The following COL25A1 variants were observed in gnomAD, a reference collection of about 807,000 sequenced individuals.
COL25A1 encodes collagen type XXV alpha 1 chain.
COL25A1 carries 103 observed loss-of-function variants against 128.4 expected under a neutral mutation model. The ratio of observed to expected loss-of-function variants is 0.80; its 90% CI spans 0.68 to 0.94. COL25A1 has a LOEUF of 0.94. Ranked by LOEUF, COL25A1 falls within the 40% of genes least tolerant of loss-of-function variation. The pLI is 0.00. For missense variants in COL25A1, 745 were observed against 840.0 expected, an observed-to-expected ratio of 0.89 and a Z score of 1.40; for synonymous variants, 279 against 277.2, an observed-to-expected ratio of 1.01 and a Z score of -0.06.
At chr4:109,268,383 G>C (rs1781933922) in intron 3 of COL25A1, among the ~76,000 whole-genome samples, 2 of 152,020 alleles carry the variant, frequency 1.3e-5, no homozygotes, top group African/African-American at 2.4e-5. Context: ...GACGACCACT[G>C]CCCAAGTTTA....
At chr4:109,260,027 A>G (rs1228281713) in intron 3 of COL25A1, among the ~76,000 whole-genome samples, 1 of 152,238 alleles carries the variant, frequency 6.6e-6, no homozygotes, top group Non-Finnish European at 1.5e-5. Context: ...CTGGAGAGCT[A>G]GAATTCCCAT....
intron 3 of COL25A1, among the ~76,000 whole-genome samples, chr4:109,286,526 T>C (rs563078572): frequency 6.6e-6 from 1 of 152,276 alleles, no homozygotes; most frequent in South Asian, 2.1e-4. Context: ...AGAGTATATA[T>C]TCTTGCCTTT....
At chr4:109,074,970 G>T (rs994301446) in intron 3 of COL25A1, among the ~76,000 whole-genome samples, 1 of 152,130 alleles carries the variant, frequency 6.6e-6, no homozygotes. Flanking sequence ...GCTAAAGTTA[G>T]GTGAGCTCTG....
chr4:109,106,912 C>T (rs1020351379), intron 3 of COL25A1, among the ~76,000 whole-genome samples: 11 of 151,988 alleles, frequency 7.2e-5, no homozygotes, highest in Admixed American at 3.9e-4. Context: ...GGACTACAGG[C>T]GCAGGCTACC....
rs568152957 is a variant in COL25A1, at chr4:109,118,590, TAGAC to T, written c.368-68415_368-68412del. ...AAAGCTGGAGTAACTATATTAATCT[TAGAC>T]AGAGCAGTCTTCAGAGAAAGAAAAG... On this transcript the variant is annotated intron_variant, in intron 3 of 37. Coordinates refer to ENST00000399132, the MANE Select transcript of COL25A1 (RefSeq NM_198721.4). Among the ~76,000 whole-genome samples, 101 of 152,044 alleles carry T rather than the reference TAGAC, an allele frequency of 6.6e-4. 2 individuals are homozygous for T. The East Asian group carries it at 0.014, about 22-fold the overall frequency.
At chr4:108,845,734 C>T (rs1735005554) in intron 28 of COL25A1, among the ~76,000 whole-genome samples, 1 of 152,126 alleles carries the variant, frequency 6.6e-6, no homozygotes, top group South Asian at 2.1e-4. Flanking sequence ...AACACCATCC[C>T]ATAGTATCAT....
At chr4:109,244,209 A>G (rs1232221145) in intron 3 of COL25A1, among the ~76,000 whole-genome samples, 1 of 151,994 alleles carries the variant, frequency 6.6e-6, no homozygotes, top group Non-Finnish European at 1.5e-5. Flanking sequence ...GAATTCCCTA[A>G]GTCGAGGTAA....
At chr4:109,301,605 C>T in intron 2 of COL25A1, 118 bp downstream of exon 2, 1 of 1,137,284 alleles carries the variant, frequency 8.8e-7, no homozygotes, top group South Asian at 1.5e-5. Context: ...CATGCACGCG[C>T]GCGCACACAC....
rs567269691 is a variant in COL25A1, at chr4:108,927,824, GAAGT to G, written c.709-7224_709-7221del. Among the ~76,000 whole-genome samples the G allele has an allele frequency of 2.9e-3, 443 of 152,164 alleles. 3 individuals are homozygous for G. The highest frequency in any genetic ancestry group is 5.5e-3 in the Non-Finnish European group (374 of 67,990). ...GTCTCTTAAAGCTCAGGAAATTAAA[GAAGT>G]AATACATTTTTCTCACCACTTGACA... On this transcript the variant is annotated intron_variant, in intron 11 of 37. Coordinates refer to ENST00000399132, the MANE Select transcript of COL25A1 (RefSeq NM_198721.4).
At chr4:108,946,984 C>T (rs1312890117) in intron 8 of COL25A1, among the ~76,000 whole-genome samples, 1 of 152,044 alleles carries the variant, frequency 6.6e-6, no homozygotes, top group Non-Finnish European at 1.5e-5. Context: ...AGAGAATGGT[C>T]CTAGGTCTGT....
chr4:108,906,505 C>A (rs11726031), intron 13 of COL25A1, among the ~76,000 whole-genome samples: 1 of 152,072 alleles, frequency 6.6e-6, no homozygotes, highest in African/African-American at 2.4e-5. Flanking sequence ...AAGATACAAC[C>A]TTGTGTTTCT....
intron 6 of COL25A1, among the ~76,000 whole-genome samples, chr4:109,007,425 GT>G (rs1756131757): frequency 6.6e-6 from 1 of 152,176 alleles, no homozygotes; most frequent in Non-Finnish European, 1.5e-5. Flanking sequence ...TGATAATGAT[GT>G]AGGCATAAGA....
chr4:108,838,046 TAGAAAG>T (rs1734010460), intron 31 of COL25A1: 2 of 1,267,226 alleles, frequency 1.6e-6, no homozygotes, highest in Non-Finnish European at 2.3e-6. Context: ...TCATGTAGGG[TAGAAAG>T]AAAAATCTGA....
At chr4:108,883,115 C>T (rs1490016446) in intron 19 of COL25A1, among the ~76,000 whole-genome samples, 1 of 152,036 alleles carries the variant, frequency 6.6e-6, no homozygotes, top group East Asian at 1.9e-4. Flanking sequence ...GATCTCGGCT[C>T]ACTGCAAGCT....
At position 109,070,796 on chromosome 4, in the gene COL25A1, T is replaced by G. The variant is rs898962578; in HGVS notation, c.368-20617A>C. ...TGAGAACATGCGGTGTTTGGTTTTTTGTCCTTGCGATAGTTTGCTGAGAAT... is the reference window on the plus strand; with the variant it reads ...TGAGAACATGCGGTGTTTGGTTTTTGGTCCTTGCGATAGTTTGCTGAGAAT... On this transcript the variant is annotated intron_variant, in intron 3 of 37. Transcript: ENST00000399132. Among the ~76,000 whole-genome samples the G allele has an allele frequency of 6.6e-5, 10 of 151,566 alleles. No individual in the cohort carries two copies. In the East Asian group the frequency reaches 9.7e-4, roughly 15 times the overall value.
intron 3 of COL25A1, among the ~76,000 whole-genome samples, chr4:109,299,571 T>A (rs1273382483): frequency 6.6e-6 from 1 of 152,152 alleles, no homozygotes; most frequent in Non-Finnish European, 1.5e-5. Flanking sequence ...GGGAAACGTT[T>A]CAGAATATGA....
intron 11 of COL25A1, among the ~76,000 whole-genome samples, chr4:108,933,944 G>T (rs1250293657): frequency 2.0e-5 from 3 of 151,710 alleles, no homozygotes; most frequent in Non-Finnish European, 4.4e-5. Context: ...CAAGGATCTA[G>T]AACTAGAATT....
intron 37 of COL25A1, among the ~76,000 whole-genome samples, chr4:108,815,006 A>T (rs1030719526): frequency 1.3e-5 from 2 of 152,188 alleles, no homozygotes; most frequent in Non-Finnish European, 2.9e-5. Flanking sequence ...TTCACTCAAT[A>T]TTCTTGCCTG....
chr4:109,010,425 G>A (rs774885466), intron 5 of COL25A1, 50 bp from the exon 6 acceptor site: 14 of 1,367,528 alleles, frequency 1.0e-5, no homozygotes, highest in Non-Finnish European at 1.2e-5. Flanking sequence ...TATCCTAAGT[G>A]AATATTTTCA....
Sources: allele counts gnomAD v4.1 joint callset (sites outside exome capture counted in the v4.1 genomes callset), GRCh38; gene constraint gnomAD v4.1.1; transcripts MANE v1.5; gene names NCBI Gene and HGNC (gene_info 2026-07-23, HGNC 2026-07-21).